CDIN1: variants seen among roughly 807,000 people sequenced by gnomAD.
CDIN1 encodes the protein CDAN1 interacting nuclease 1, also known as CDAN1-interacting nuclease 1.
In CDIN1, 33 loss-of-function variants were observed where a neutral mutation model predicts 45.3. The observed-to-expected ratio is 0.73, with a 90% confidence interval of 0.55 to 0.97. The LOEUF is 0.97. Ranked by LOEUF, CDIN1 falls within the 50% of genes least tolerant of loss-of-function variation. CDIN1 has a pLI of 0.00. For synonymous variants in CDIN1, 118 were observed against 124.4 expected, an observed-to-expected ratio of 0.95 and a Z score of 0.34; for missense variants, 303 against 339.4, an observed-to-expected ratio of 0.89 and a Z score of 0.84.
chr15:36,785,722 TC>T (rs2054473603), intron 10 of CDIN1, among the ~76,000 whole-genome samples: 1 of 152,204 alleles, frequency 6.6e-6, no homozygotes, highest in Non-Finnish European at 1.5e-5. Context: ...TCTCAGGAGT[TC>T]CAATACTTTT....
At chr15:36,610,488 T>TG (rs1168714649) in intron 1 of CDIN1, among the ~76,000 whole-genome samples, 1 of 152,220 alleles carries the variant, frequency 6.6e-6, no homozygotes, top group Admixed American at 6.5e-5. Context: ...CCATTTATCT[T>TG]GGGAAAAAAG....
chr15:36,769,865 G>A (rs1484993657), intron 10 of CDIN1, among the ~76,000 whole-genome samples: 2 of 152,118 alleles, frequency 1.3e-5, no homozygotes, highest in Admixed American at 6.5e-5. Context: ...GAACCTGTGC[G>A]ATAAATGATG....
chr15:36,608,222 T>C (rs2038472534), intron 1 of CDIN1, among the ~76,000 whole-genome samples: 1 of 152,250 alleles, frequency 6.6e-6, no homozygotes, highest in Non-Finnish European at 1.5e-5. Context: ...CTGGGTCATA[T>C]GGTTTAACAT....
chr15:36,672,620 TG>T lies in CDIN1; in HGVS notation c.346+14721del, dbSNP rs557788674. Among the ~76,000 whole-genome samples, 90 of 149,020 alleles carry T rather than the reference TG, an allele frequency of 6.0e-4. 1 individual carries two copies. The highest frequency in any genetic ancestry group is 2.0e-3 in the African/African-American group (81 of 40,384). On this transcript the variant is annotated intron_variant, in intron 5 of 10. Coordinates refer to ENST00000566621, the MANE Select transcript of CDIN1 (RefSeq NM_001321759.2). ...ACTAATTTGATCGATTTGGTTGGGGTGGGGGGAGGTCTCAAATTCAATTAAG... is the reference window on the plus strand; with the variant it reads ...ACTAATTTGATCGATTTGGTTGGGGTGGGGGAGGTCTCAAATTCAATTAAG...
chr15:36,613,588 G>T lies in CDIN1; in HGVS notation c.102-30690G>T. ...TCCAGCAAGAAGTTGAGGGAGAAAG[G>T]CGGGCCCGGGAACAGGCTGAGGCTG... On this transcript the variant is annotated intron_variant, in intron 1 of 10. Coordinates refer to ENST00000566621, the MANE Select transcript of CDIN1 (RefSeq NM_001321759.2). 3 of 1,474,200 alleles carry T rather than the reference G, an allele frequency of 2.0e-6. No individual in the cohort carries two copies. The South Asian group carries it at 3.4e-5, about 17-fold the overall frequency. 91.3% of individuals were successfully genotyped at this position (1,474,200 alleles called of 1,614,324 possible).
At chr15:36,782,271 G>C (rs1321292789) in intron 10 of CDIN1, among the ~76,000 whole-genome samples, 3 of 152,082 alleles carry the variant, frequency 2.0e-5, no homozygotes, top group African/African-American at 7.2e-5. Context: ...CAAACGACAA[G>C]GAGGAGATGT....
At chr15:36,630,601 A>T (rs1334334008) in intron 1 of CDIN1, among the ~76,000 whole-genome samples, 1 of 152,194 alleles carries the variant, frequency 6.6e-6, no homozygotes, top group Non-Finnish European at 1.5e-5. Context: ...TTTGTGGAAT[A>T]CATAAAGATG....
intron 10 of CDIN1, among the ~76,000 whole-genome samples, chr15:36,755,575 C>T (rs994867470): frequency 2.0e-5 from 3 of 151,744 alleles, no homozygotes; most frequent in African/African-American, 4.8e-5. Flanking sequence ...CTGGTAATTA[C>T]GAGTTTTTCA....
intron 5 of CDIN1, among the ~76,000 whole-genome samples, chr15:36,679,086 A>G (rs867461479): frequency 1.3e-4 from 18 of 135,876 alleles, no homozygotes; most frequent in Admixed American, 6.3e-4. Flanking sequence ...TAATACACAC[A>G]GAAGTAGAAA....
intron 10 of CDIN1, among the ~76,000 whole-genome samples, chr15:36,748,435 A>G (rs1052950657): frequency 5.9e-5 from 9 of 152,214 alleles, no homozygotes; most frequent in African/African-American, 1.9e-4. Context: ...ACACTTCTGC[A>G]GGGCAGAAAC....
At chr15:36,760,565 T>C (rs1418100527) in intron 10 of CDIN1, among the ~76,000 whole-genome samples, 3 of 152,210 alleles carry the variant, frequency 2.0e-5, no homozygotes, top group Non-Finnish European at 4.4e-5. Flanking sequence ...AGAAAGGTTA[T>C]GTGTTGTTCT....
chr15:36,737,173 A>G (rs550256670), intron 10 of CDIN1, among the ~76,000 whole-genome samples: 1 of 151,812 alleles, frequency 6.6e-6, no homozygotes, highest in African/African-American at 2.4e-5. Context: ...GTCTCAAAAA[A>G]AAAAAAAACA....
chr15:36,738,891 T>C (rs1389436962), intron 10 of CDIN1, among the ~76,000 whole-genome samples: 1 of 152,234 alleles, frequency 6.6e-6, no homozygotes, highest in East Asian at 1.9e-4. Context: ...AATAAGAGCC[T>C]ATTATGTGCC....
At chr15:36,709,711 G>A in intron 9 of CDIN1, 145 bp from the exon 10 acceptor site, 1 of 597,632 alleles carries the variant, frequency 1.7e-6, no homozygotes, top group Non-Finnish European at 3.0e-6. Context: ...CATATACAGT[G>A]TGTTGTTTTG....
At chr15:36,614,361 T>A (rs868370772) in intron 1 of CDIN1, among the ~76,000 whole-genome samples, 1 of 152,040 alleles carries the variant, frequency 6.6e-6, no homozygotes, top group East Asian at 1.9e-4. Context: ...TTTGCCAAAC[T>A]GTCTCTGCCT....
At chr15:36,609,488 G>A (rs551329390) in intron 1 of CDIN1, among the ~76,000 whole-genome samples, 1 of 152,326 alleles carries the variant, frequency 6.6e-6, no homozygotes, top group South Asian at 2.1e-4. Flanking sequence ...AGGGCTGGGT[G>A]TGGTGGCTCA....
At chr15:36,778,964 T>C (rs2054285636) in intron 10 of CDIN1, among the ~76,000 whole-genome samples, 1 of 152,202 alleles carries the variant, frequency 6.6e-6, no homozygotes, top group Non-Finnish European at 1.5e-5. Context: ...GAAAACAGGA[T>C]TGTAGGAGCC....
intron 1 of CDIN1, among the ~76,000 whole-genome samples, chr15:36,632,732 C>G (rs1046075030): frequency 6.6e-6 from 1 of 152,154 alleles, no homozygotes; most frequent in Non-Finnish European, 1.5e-5. Flanking sequence ...GGAGAGGGTT[C>G]TCTCCCCTCT....
chr15:36,736,862 A>G (rs1404595621), intron 10 of CDIN1, among the ~76,000 whole-genome samples: 1 of 152,030 alleles, frequency 6.6e-6, no homozygotes, highest in African/African-American at 2.4e-5. Context: ...ACCCTTTTTA[A>G]TCATTTAAAA....
Sources: allele counts gnomAD v4.1 joint callset (sites outside exome capture counted in the v4.1 genomes callset), GRCh38; gene constraint gnomAD v4.1.1; transcripts MANE v1.5; gene names NCBI Gene and HGNC (gene_info 2026-07-23, HGNC 2026-07-21).